Variants in COPA observed in about 807,000 individuals in gnomAD.
The protein encoded by COPA is coat protein complex I subunit alpha.
Under a neutral mutation model 158.7 loss-of-function variants are expected in COPA, and 10 were observed. The observed-to-expected ratio is 0.06, with a 90% CI of 0.04 to 0.11. COPA has a LOEUF of 0.11. Ranked by LOEUF, COPA falls within the 10% of genes least tolerant of loss-of-function variation. The pLI is 1.00. For synonymous variants in COPA, 462 were observed against 542.8 expected (o/e 0.85, Z 2.07); for missense variants, 1,065 against 1,536.7 (o/e 0.69, Z 5.13).
In COPA at chr1:160,325,713, G is replaced by A. The variant is rs374797603; in HGVS notation, c.497-61C>T. On this transcript the variant is annotated intron_variant, in intron 6 of 32. Coordinates refer to ENST00000241704, the MANE Select transcript of COPA (RefSeq NM_004371.4). ...ACATAATATTATCTAAAACAGCACA[G>A]TATCAGAAACACAGAAATTACAGTG... 15 of 1,181,818 alleles carry A rather than the reference G, an allele frequency of 1.3e-5. No individual in the cohort carries two copies. In the East Asian group the frequency reaches 2.8e-4, roughly 22 times the overall value. The allele number at this position is 1,181,818 out of a possible 1,614,324, so 73.2% of individuals were successfully genotyped here.
At chr1:160,306,106 G>A (rs16831797) in intron 15 of COPA, among the ~76,000 whole-genome samples, 5 of 152,194 alleles carry the variant, frequency 3.3e-5, no homozygotes, top group South Asian at 4.1e-4. Flanking sequence ...TTCTAAGCTC[G>A]GAGAACACGC....
chr1:160,310,899 A>C (rs926801457), intron 11 of COPA, among the ~76,000 whole-genome samples: 5 of 152,180 alleles, frequency 3.3e-5, no homozygotes, highest in African/African-American at 7.2e-5. Context: ...TGCCAAACAA[A>C]GGCGAAAAGT....
chr1:160,321,724 G>T (rs924625346), intron 8 of COPA, among the ~76,000 whole-genome samples: 1 of 152,066 alleles, frequency 6.6e-6, no homozygotes, highest in Non-Finnish European at 1.5e-5. Context: ...GGAGGGGGAG[G>T]TTTCAGTAAG....
chr1:160,301,050 G>A (rs1293524433), intron 17 of COPA, among the ~76,000 whole-genome samples: 1 of 152,066 alleles, frequency 6.6e-6, no homozygotes, highest in African/African-American at 2.4e-5. Context: ...CCCGGGAGGT[G>A]GAGGTTGCAG....
At chr1:160,340,413 TTGA>T in intron 1 of COPA, 119 bp from the exon 2 acceptor site, 1 of 653,234 alleles carries the variant, frequency 1.5e-6, no homozygotes, top group Non-Finnish European at 2.6e-6. Flanking sequence ...TTCGACATGC[TTGA>T]TGATTTTTTA....
chr1:160,288,906 C>T lies in COPA; in HGVS notation c.*1251G>A. On this transcript the variant is annotated 3_prime_UTR_variant, in exon 33 of 33. Coordinates refer to ENST00000241704, the MANE Select transcript of COPA (RefSeq NM_004371.4). ...AAAAACAGAATAAGGGAGCTACTTGCTTTCTATCATTTTCACAGCAGTTTA... is the reference window on the plus strand; with the variant it reads ...AAAAACAGAATAAGGGAGCTACTTGTTTTCTATCATTTTCACAGCAGTTTA... Among the ~76,000 whole-genome samples the T allele has an allele frequency of 6.6e-6, 1 of 152,122 alleles. No homozygotes were observed. The highest frequency in any genetic ancestry group is 1.9e-4 in the East Asian group (1 of 5,204).
At chr1:160,336,500 A>G (rs1647769557) in intron 3 of COPA, among the ~76,000 whole-genome samples, 1 of 152,206 alleles carries the variant, frequency 6.6e-6, no homozygotes, top group Non-Finnish European at 1.5e-5. Context: ...CATGGAAAAT[A>G]CTACATTGCT....
intron 8 of COPA, among the ~76,000 whole-genome samples, chr1:160,320,878 C>T (rs1050488583): frequency 4.1e-5 from 6 of 147,092 alleles, no homozygotes; most frequent in Admixed American, 4.1e-4. Context: ...GATAACAAAA[C>T]CAGGCAAGGA....
At chr1:160,336,913 T>A (rs1016991688) in intron 3 of COPA, among the ~76,000 whole-genome samples, 1 of 120,702 alleles carries the variant, frequency 8.3e-6, no homozygotes, top group African/African-American at 2.6e-5. Flanking sequence ...CTCAACACTA[T>A]ACCCTTACCA....
intron 15 of COPA, 132 bp downstream of exon 15, chr1:160,306,222 T>C (rs1426193464): frequency 1.0e-6 from 1 of 970,920 alleles, no homozygotes; most frequent in East Asian, 2.5e-5. Context: ...GAAAAGTTAC[T>C]ATAAAGAGTC....
chr1:160,341,052 C>A (rs771186935), intron 1 of COPA, among the ~76,000 whole-genome samples: 4 of 152,206 alleles, frequency 2.6e-5, no homozygotes, highest in Non-Finnish European at 5.9e-5. Context: ...TATTTTCCTG[C>A]ACTGCCTGTT....
chr1:160,331,513 C>T (rs551480418), intron 6 of COPA, among the ~76,000 whole-genome samples: 12 of 151,132 alleles, frequency 7.9e-5, no homozygotes, highest in East Asian at 2.0e-4. Flanking sequence ...ATTAGCTGTG[C>T]GTGGTGGCGT....
intron 15 of COPA, 105 bp from the exon 16 acceptor site, chr1:160,305,878 T>A: frequency 1.1e-6 from 1 of 891,826 alleles, no homozygotes; most frequent in Non-Finnish European, 1.8e-6. Context: ...CCCAATTTCT[T>A]AATGTAATTC....
intron 8 of COPA, among the ~76,000 whole-genome samples, chr1:160,317,928 T>C (rs1489684130): frequency 6.6e-6 from 1 of 152,154 alleles, no homozygotes; most frequent in Non-Finnish European, 1.5e-5. Flanking sequence ...CTCTCCTTTT[T>C]AAAAATTACG....
Position 160,292,490 on chromosome 1 carries a change from C to T in COPA, c.2954G>A (p.Arg985His), listed in dbSNP as rs766688773. Residue 985 changes from arginine (R) to histidine (H), a missense_variant, in exon 28 of 33, where the codon CGC becomes CAC. This residue lies in a region of COPA where 980 missense variants were observed against 1,357.8 expected (regional missense o/e 0.72). Transcript: ENST00000241704. ...CLPSMYGYPNRNWKDAGLKNG... is the reference protein window; with the variant it reads ...CLPSMYGYPNHNWKDAGLKNG... ...AAAGAGAAAAGGGCCTTACCAGTTG[C>T]GATTAGGATAGCCATACATGGAGGG... 16 of 1,613,064 alleles carry T rather than the reference C, an allele frequency of 9.9e-6. No individual in the cohort carries two copies. Among genetic ancestry groups the T allele is most frequent in the East Asian group, 2.2e-5 (1 of 44,884 alleles).
chr1:160,290,699 A>G lies in COPA; in HGVS notation c.3421-13T>C. Reference sequence around the variant, plus strand: ...GGATTTTTCGGGTCTAGGGGAAGGAAGGAGTATTTAGGAGGACAGAAGGCT... The same window carrying G: ...GGATTTTTCGGGTCTAGGGGAAGGAGGGAGTATTTAGGAGGACAGAAGGCT... On this transcript the variant is annotated splice_polypyrimidine_tract_variant and intron_variant, in intron 31 of 32. Coordinates refer to ENST00000241704, the MANE Select transcript of COPA (RefSeq NM_004371.4). The G allele has an allele frequency of 1.2e-6, 2 of 1,612,564 alleles. No homozygotes were observed. The highest frequency in any genetic ancestry group is 1.7e-6 in the Non-Finnish European group (2 of 1,178,992).
At chr1:160,336,622 CATAAATATAAAA>C (rs1647773597) in intron 3 of COPA, among the ~76,000 whole-genome samples, 1 of 152,136 alleles carries the variant, frequency 6.6e-6, no homozygotes, top group African/African-American at 2.4e-5. Flanking sequence ...AAACCAGGAT[CATAAATATAAAA>C]TAGCTTATCT....
rs759789636 is a variant in COPA, at chr1:160,340,326, A to G, written c.41-32T>C. On this transcript the variant is annotated intron_variant, in intron 1 of 32. Coordinates refer to ENST00000241704, the MANE Select transcript of COPA (RefSeq NM_004371.4). ...AAAATAGAAAATGATACAATGAGCT[A>G]ACTAAGCCCCATGATGTCACCTTCT... The G allele has an allele frequency of 5.7e-6, 8 of 1,398,672 alleles. No individual in the cohort carries two copies. The African/African-American group carries it at 9.9e-5, about 17-fold the overall frequency. The allele number at this position is 1,398,672 out of a possible 1,614,324, so 86.6% of individuals were successfully genotyped here.
At chr1:160,301,450 C>T (rs945846423) in intron 17 of COPA, among the ~76,000 whole-genome samples, 5 of 152,074 alleles carry the variant, frequency 3.3e-5, no homozygotes, top group Admixed American at 3.3e-4. Flanking sequence ...GACACTCAAC[C>T]TGTATATGCA....
Sources: gnomAD v4.1 joint callset for allele counts (sites outside exome capture counted in the v4.1 genomes callset) on GRCh38, gnomAD v4.1.1 for gene constraint, gnomAD v4.1.1 regional missense constraint, MANE v1.5 for transcripts, NCBI Gene and HGNC (gene_info 2026-07-23, HGNC 2026-07-21) for gene names.